ESR2: variants seen among roughly 807,000 people sequenced by gnomAD.
ESR2 encodes estrogen receptor beta.
Under a neutral mutation model 49.6 loss-of-function variants are expected in ESR2, and 36 were observed. That is an observed-to-expected ratio of 0.73 (90% confidence interval 0.56 to 0.96). The LOEUF (loss-of-function observed/expected upper bound fraction) is 0.96, where lower values mean the gene tolerates loss of function less well. Among genes scored for constraint, ESR2 ranks in the 40% least tolerant of loss-of-function variants. ESR2 has a pLI of 0.00. For synonymous variants in ESR2, 320 were observed against 266.1 expected (o/e 1.20, Z -1.97); for missense variants, 714 against 693.0 (o/e 1.03, Z -0.34).
chr14:64,255,419 G>A lies in ESR2; in HGVS notation c.1091+1807C>T, dbSNP rs149241683. On this transcript the variant is annotated intron_variant, in intron 6 of 8. Coordinates refer to ENST00000341099, the MANE Select transcript of ESR2 (RefSeq NM_001437.3). ...CATGGTACCCTGAGATGACAGTGGG[G>A]AGAGTGGGTTTCTGCAGTGTGTTAC... Among the ~76,000 whole-genome samples, 877 of 152,242 alleles carry A rather than the reference G, an allele frequency of 5.8e-3. 11 individuals are homozygous for A. The highest frequency in any genetic ancestry group is 0.02 in the African/African-American group (850 of 41,512).
chr14:64,298,504 C>A (rs2076985891), upstream of ESR2: 1 of 152,158 alleles, frequency 6.6e-6, no homozygotes, highest in Non-Finnish European at 1.5e-5. Flanking sequence ...GAAATGTTGT[C>A]AATTTCTTGT....
At chr14:64,331,777 C>T (rs1436210020) in intron 1 of ESR2, among the ~76,000 whole-genome samples, 1 of 140,150 alleles carries the variant, frequency 7.1e-6, no homozygotes, top group African/African-American at 2.7e-5. Context: ...GAGCCGAGAT[C>T]ATGCCATTGC....
chr14:64,314,605 C>CG (rs1275969030), intron 1 of ESR2, among the ~76,000 whole-genome samples: 2 of 151,830 alleles, frequency 1.3e-5, no homozygotes, highest in Non-Finnish European at 2.9e-5. Context: ...CGGCTGGGCA[C>CG]GGTGGCTCAC....
intron 1 of ESR2, among the ~76,000 whole-genome samples, chr14:64,283,485 G>A (rs1232639143): frequency 6.6e-6 from 1 of 152,164 alleles, no homozygotes; most frequent in East Asian, 1.9e-4. Flanking sequence ...GAGGCCAAGC[G>A]TAGTGGCTCA....
chr14:64,234,917 G>A, intron 8 of ESR2, 53 bp downstream of exon 8: 1 of 1,590,060 alleles, frequency 6.3e-7, no homozygotes, highest in Non-Finnish European at 8.6e-7. Context: ...ACCCTCCGTG[G>A]AGCACATAAT....
chr14:64,258,966 CA>C (rs1420601669), intron 5 of ESR2, among the ~76,000 whole-genome samples: 1 of 152,126 alleles, frequency 6.6e-6, no homozygotes, highest in Non-Finnish European at 1.5e-5. Flanking sequence ...TTCAAAACAC[CA>C]GGCTTGAATA....
At position 64,232,640 on chromosome 14, in the gene ESR2, C is replaced by T. The variant is rs944459; in HGVS notation, c.*497G>A. The T allele has an allele frequency of 0.015, 2,299 of 155,064 alleles. 315 individuals are homozygous for T. In the East Asian group the frequency reaches 0.33, roughly 22 times the overall value. 9.6% of individuals were successfully genotyped at this position (155,064 alleles called of 1,614,324 possible). ...TCCCCACAGGCCTGGGAGGTAAGTACGCAATTGCCACAGGGGTTTTCAATC... is the reference window on the plus strand; with the variant it reads ...TCCCCACAGGCCTGGGAGGTAAGTATGCAATTGCCACAGGGGTTTTCAATC... On this transcript the variant is annotated 3_prime_UTR_variant, in exon 9 of 9. Coordinates refer to ENST00000341099, the MANE Select transcript of ESR2 (RefSeq NM_001437.3).
chr14:64,246,020 TG>T (rs2075848950), intron 7 of ESR2, among the ~76,000 whole-genome samples: 1 of 152,230 alleles, frequency 6.6e-6, no homozygotes. Flanking sequence ...CAGAAAGGGT[TG>T]ATCTTATTCC....
intron 3 of ESR2, among the ~76,000 whole-genome samples, chr14:64,271,958 T>C (rs1267630637): frequency 6.6e-6 from 1 of 152,248 alleles, no homozygotes; most frequent in Non-Finnish European, 1.5e-5. Flanking sequence ...GCTCTATTTG[T>C]AGTTTTTTGA....
In ESR2 at chr14:64,235,043, C is replaced by A. The variant is rs773174281; in HGVS notation, c.1333G>T (p.Gly445Cys). 11 of 1,614,082 alleles carry A rather than the reference C, an allele frequency of 6.8e-6. No individual in the cohort carries two copies. Among genetic ancestry groups the A allele is most frequent in the Non-Finnish European group, 9.3e-6 (11 of 1,180,050 alleles). Residue 445 changes from glycine (G) to cysteine (C), a missense_variant, in exon 8 of 9, where the codon GGC (glycine) becomes TGC (cysteine). Coordinates refer to ENST00000341099, the MANE Select transcript of ESR2 (RefSeq NM_001437.3). ...DALVWVIAKS[G>C]ISSQQQSMRL... ...ATGGATTGCTGCTGGGAGGAGATGCCGCTCTTGGCAATCACCCAAACCAAA... is the reference window on the plus strand; with the variant it reads ...ATGGATTGCTGCTGGGAGGAGATGCAGCTCTTGGCAATCACCCAAACCAAA...
At chr14:64,248,323 A>G (rs2075909817) in intron 7 of ESR2, among the ~76,000 whole-genome samples, 1 of 152,024 alleles carries the variant, frequency 6.6e-6, no homozygotes, top group African/African-American at 2.4e-5. Flanking sequence ...CTGGCAACAC[A>G]GCAAGATTCT....
In ESR2 at chr14:64,260,686, G is replaced by A. The variant is rs1222963913; in HGVS notation, c.715C>T (p.Leu239=). The A allele has an allele frequency of 1.9e-6, 3 of 1,554,504 alleles. No individual in the cohort carries two copies. Among genetic ancestry groups the A allele is most frequent in the South Asian group, 1.2e-5 (1 of 84,260 alleles). Reference sequence around the variant, plus strand: ...CTCTTGGCCTTGCCGGCACAGTGCAGCTGCTCGTCGGCACTTCTCTGTCTC... The same window carrying A: ...CTCTTGGCCTTGCCGGCACAGTGCAACTGCTCGTCGGCACTTCTCTGTCTC... ...VRRQRSADEQ[L]HCAGKAKRSG... Residue 239 remains leucine (L), a synonymous_variant, in exon 5 of 9, where the codon CTG becomes TTG. Transcript: ENST00000341099.
At chr14:64,250,747 G>A (rs1596389148) in intron 6 of ESR2, among the ~76,000 whole-genome samples, 2 of 152,102 alleles carry the variant, frequency 1.3e-5, no homozygotes, top group South Asian at 2.1e-4. Flanking sequence ...TCCAGCGATG[G>A]CAGTATTTCA....
intron 4 of ESR2, among the ~76,000 whole-genome samples, chr14:64,263,925 A>T (rs1039439945): frequency 3.3e-5 from 5 of 152,210 alleles, no homozygotes; most frequent in African/African-American, 1.2e-4. Flanking sequence ...TATTATTCAG[A>T]TCATATTCTC....
intron 1 of ESR2, among the ~76,000 whole-genome samples, chr14:64,313,495 C>T (rs1280155834): frequency 7.2e-6 from 1 of 139,740 alleles, no homozygotes; most frequent in Non-Finnish European, 1.5e-5. Context: ...GATCAGGCCA[C>T]TGCACTCCAG....
chr14:64,227,385 G>C, downstream of ESR2: 1 of 779,882 alleles, frequency 1.3e-6, no homozygotes, highest in Non-Finnish European at 2.0e-6. Context: ...TAGAAAGGAA[G>C]GTGGTTTTTA....
At chr14:64,262,869 C>A (rs1209006928) in intron 4 of ESR2, among the ~76,000 whole-genome samples, 1 of 152,130 alleles carries the variant, frequency 6.6e-6, no homozygotes, top group Non-Finnish European at 1.5e-5. Context: ...CAAGATCACA[C>A]CACTGCACTC....
At position 64,249,155 on chromosome 14, in the gene ESR2, G is replaced by C. The variant is rs557529940; in HGVS notation, c.1225+391C>G. Among the ~76,000 whole-genome samples, 5 of 152,156 alleles carry C rather than the reference G, an allele frequency of 3.3e-5. No individual in the cohort carries two copies. In the South Asian group the frequency reaches 1.0e-3, roughly 32 times the overall value. On this transcript the variant is annotated intron_variant, in intron 7 of 8. Coordinates refer to ENST00000341099, the MANE Select transcript of ESR2 (RefSeq NM_001437.3). The stretch of plus-strand genomic sequence containing the variant: ...TAAACTATGAGCCATTTGAGGGTAG[G>C]ATTGTATCTTTACTGAACGAATGAA...
chr14:64,325,897 A>G (rs1044306768), intron 1 of ESR2, among the ~76,000 whole-genome samples: 1 of 152,192 alleles, frequency 6.6e-6, no homozygotes, highest in African/African-American at 2.4e-5. Flanking sequence ...GTGTTAGTCA[A>G]CTGTTTATAT....
Sources: allele counts gnomAD v4.1 joint callset (sites outside exome capture counted in the v4.1 genomes callset), GRCh38; gene constraint gnomAD v4.1.1; transcripts MANE v1.5; gene names NCBI Gene and HGNC (gene_info 2026-07-23, HGNC 2026-07-21).